The following KATNIP variants were observed in gnomAD, a reference collection of about 807,000 sequenced individuals.
KATNIP encodes the protein katanin-interacting protein.
Under a neutral mutation model 174.0 loss-of-function variants are expected in KATNIP, and 126 were observed. The observed-to-expected ratio is 0.72, with a 90% CI of 0.63 to 0.84. The LOEUF is 0.84. Ranked by LOEUF, KATNIP falls within the 40% of genes least tolerant of loss-of-function variation. The probability of loss-of-function intolerance (pLI) is 0.00; values close to 1 mark genes in which losing one functional copy is unlikely to be tolerated. For synonymous variants in KATNIP, 810 were observed against 835.7 expected (o/e 0.97, Z 0.53); for missense variants, 1,958 against 2,109.7 (o/e 0.93, Z 1.41).
intron 15 of KATNIP, among the ~76,000 whole-genome samples, chr16:27,741,256 A>G (rs1013100434): frequency 1.3e-5 from 2 of 152,066 alleles, no homozygotes; most frequent in African/African-American, 2.4e-5. Context: ...GTCTCTAGTC[A>G]CTTCACTTTA....
intron 13 of KATNIP, among the ~76,000 whole-genome samples, chr16:27,719,331 A>G (rs2080104421): frequency 6.6e-6 from 1 of 152,190 alleles, no homozygotes; most frequent in African/African-American, 2.4e-5. Flanking sequence ...CCGAGTCTGC[A>G]GAGGGGTCAG....
intron 2 of KATNIP, among the ~76,000 whole-genome samples, chr16:27,612,250 G>A (rs946242403): frequency 1.3e-5 from 2 of 152,170 alleles, no homozygotes; most frequent in East Asian, 3.9e-4. Context: ...AACAGGTACA[G>A]GCATCACCCC....
At chr16:27,662,857 A>T (rs2077567836) in intron 6 of KATNIP, among the ~76,000 whole-genome samples, 1 of 152,304 alleles carries the variant, frequency 6.6e-6, no homozygotes, top group East Asian at 1.9e-4. Context: ...GTGCCTTCTC[A>T]TTTAAAAAGA....
rs867810830 is a variant in KATNIP, at chr16:27,662,069, T to C, written c.540+13334T>C. On this transcript the variant is annotated intron_variant, in intron 6 of 27. Transcript: ENST00000261588. ...ACATACATATATATATATATATATA[T>C]ATACACACATATATATATACACATA... 9.1e-5 allele frequency among the ~76,000 whole-genome samples: 8 copies of C among 87,610 alleles called. 1 individual carries two copies. The highest frequency in any genetic ancestry group is 2.2e-4 in the African/African-American group (4 of 18,504). The allele number at this position is 87,610 out of a possible 152,430, so 57.5% of individuals were successfully genotyped here. A position where few individuals can be genotyped will look rare whatever the true frequency, so the allele number is the denominator to read the frequency against.
chr16:27,620,360 C>T (rs769319020), intron 3 of KATNIP, among the ~76,000 whole-genome samples: 16 of 152,124 alleles, frequency 1.1e-4, no homozygotes, highest in African/African-American at 3.6e-4. Flanking sequence ...GCCATATGCC[C>T]GGCACCTCAA....
intron 8 of KATNIP, among the ~76,000 whole-genome samples, chr16:27,682,679 G>A (rs2078390930): frequency 1.3e-5 from 2 of 152,202 alleles, no homozygotes; most frequent in Non-Finnish European, 2.9e-5. Context: ...TACAGTGATG[G>A]GGGGCCATGG....
rs1267971312 is a variant in KATNIP, at chr16:27,685,617, T to C, written c.940+4087T>C. Reference sequence around the variant, plus strand: ...ACCAGCTATTCCTGGTATTTAGTTCTTAGGGTAGTTTGTTCCATCAGTACT... The same window carrying C: ...ACCAGCTATTCCTGGTATTTAGTTCCTAGGGTAGTTTGTTCCATCAGTACT... On this transcript the variant is annotated intron_variant, in intron 8 of 27. Coordinates refer to ENST00000261588, the MANE Select transcript of KATNIP (RefSeq NM_015202.5). Among the ~76,000 whole-genome samples, 3 of 152,218 alleles carry C rather than the reference T, an allele frequency of 2.0e-5. No individual in the cohort carries two copies. The East Asian group carries it at 5.8e-4, about 29-fold the overall frequency.
chr16:27,601,676 G>T (rs1174482233), intron 2 of KATNIP, among the ~76,000 whole-genome samples: 1 of 152,196 alleles, frequency 6.6e-6, no homozygotes, highest in Non-Finnish European at 1.5e-5. Context: ...AGGTGGAAAT[G>T]AGGTCAAGGA....
chr16:27,650,675 A>C (rs1463354648), intron 6 of KATNIP, among the ~76,000 whole-genome samples: 1 of 152,194 alleles, frequency 6.6e-6, no homozygotes, highest in African/African-American at 2.4e-5. Context: ...TCATGCTTGT[A>C]CTTCCTTATT....
chr16:27,551,682 C>T (rs1316608106), intron 1 of KATNIP, among the ~76,000 whole-genome samples: 7 of 152,104 alleles, frequency 4.6e-5, no homozygotes, highest in Admixed American at 6.5e-5. Context: ...GTCAGGAGTT[C>T]GAGACCAGCC....
At chr16:27,569,710 T>C (rs1358810591) in intron 1 of KATNIP, among the ~76,000 whole-genome samples, 2 of 152,198 alleles carry the variant, frequency 1.3e-5, no homozygotes, top group Non-Finnish European at 2.9e-5. Flanking sequence ...ATCGAGCTAA[T>C]CTGGAGGAGA....
chr16:27,574,644 A>G (rs574625463), intron 2 of KATNIP, among the ~76,000 whole-genome samples: 18 of 145,364 alleles, frequency 1.2e-4, no homozygotes, highest in African/African-American at 4.6e-4. Flanking sequence ...AGCTCACTGC[A>G]ACCTCCGCCT....
Position 27,761,461 on chromosome 16 carries a change from G to A in KATNIP, c.3680G>A (p.Gly1227Glu), listed in dbSNP as rs773129446. ...TCCTGGGGAGACTTGCACTACCTGGGGCTCACTGGCCTGGAAGTGGTGGGC... is the reference window on the plus strand; with the variant it reads ...TCCTGGGGAGACTTGCACTACCTGGAGCTCACTGGCCTGGAAGTGGTGGGC... ...TASWGDLHYLGLTGLEVVGKE... is the reference protein window; with the variant it reads ...TASWGDLHYLELTGLEVVGKE... The change falls in exon 19 of 28, where the codon GGG becomes GAG. Residue 1227 changes from glycine (G) to glutamate (E), a missense_variant. By Grantham distance (98) the Gly-to-Glu change is moderately conservative. Around this residue, in one of 3 missense-constraint regions of KATNIP, gnomAD observed 1,557 missense variants for 1,617.8 expected, o/e 0.96. Coordinates refer to ENST00000261588, the MANE Select transcript of KATNIP (RefSeq NM_015202.5). 29 of 1,613,906 alleles carry A rather than the reference G, an allele frequency of 1.8e-5. No individual in the cohort carries two copies. The highest frequency in any genetic ancestry group is 2.5e-5 in the Non-Finnish European group (29 of 1,180,016).
At chr16:27,771,452 A>G in intron 21 of KATNIP, 136 bp from the exon 22 acceptor site, 1 of 725,276 alleles carries the variant, frequency 1.4e-6, no homozygotes, top group Non-Finnish European at 2.2e-6. Context: ...CAGGGGCCTC[A>G]TCTCTCTTTT....
At chr16:27,658,202 A>G (rs576680867) in intron 6 of KATNIP, among the ~76,000 whole-genome samples, 1 of 152,318 alleles carries the variant, frequency 6.6e-6, no homozygotes, top group South Asian at 2.1e-4. Flanking sequence ...TGTGACTATA[A>G]TTTGTCGCAA....
At chr16:27,654,634 G>A (rs2077210308) in intron 6 of KATNIP, 1 of 1,351,874 alleles carries the variant, frequency 7.4e-7, no homozygotes, top group African/African-American at 1.5e-5. Flanking sequence ...CCAGTACCAA[G>A]CCCTGTGGTT....
At chr16:27,761,744 C>T (rs973849033) in intron 19 of KATNIP, among the ~76,000 whole-genome samples, 154 bp downstream of exon 19, 3 of 152,162 alleles carry the variant, frequency 2.0e-5, no homozygotes, top group Non-Finnish European at 2.9e-5. Flanking sequence ...AACCGAGGCT[C>T]AGGAAACCAA....
chr16:27,709,780 T>C (rs2079490726), intron 13 of KATNIP, among the ~76,000 whole-genome samples: 1 of 152,100 alleles, frequency 6.6e-6, no homozygotes, highest in South Asian at 2.1e-4. Flanking sequence ...GGGTTTTTCT[T>C]GGGGGAGCCA....
chr16:27,702,349 C>T (rs2079134480), intron 11 of KATNIP, among the ~76,000 whole-genome samples: 1 of 152,228 alleles, frequency 6.6e-6, no homozygotes, highest in African/African-American at 2.4e-5. Context: ...AAAGTTTGTT[C>T]AAACTCAGCA....
Sources: allele counts gnomAD v4.1 joint callset (sites outside exome capture counted in the v4.1 genomes callset), GRCh38; gene constraint gnomAD v4.1.1; regional missense constraint gnomAD v4.1.1; transcripts MANE v1.5; gene names NCBI Gene and HGNC (gene_info 2026-07-23, HGNC 2026-07-21).